EXOC6B: variants seen among roughly 807,000 people sequenced by gnomAD.
The protein encoded by EXOC6B is exocyst complex component 6B.
EXOC6B carries 54 observed loss-of-function variants against 113.5 expected under a neutral mutation model. The observed-to-expected ratio is 0.48, with a 90% confidence interval of 0.38 to 0.60. EXOC6B has a LOEUF of 0.60. Ranked by LOEUF, EXOC6B falls within the 20% of genes least tolerant of loss-of-function variation. EXOC6B has a pLI of 0.00. For missense variants in EXOC6B, 797 were observed against 977.5 expected (o/e 0.82, Z 2.46); for synonymous variants, 357 against 339.0 (o/e 1.05, Z -0.58).
chr2:72,257,984 G>A (rs1227820550), intron 20 of EXOC6B, among the ~76,000 whole-genome samples: 1 of 152,114 alleles, frequency 6.6e-6, no homozygotes, highest in East Asian at 1.9e-4. Context: ...GCATTCTCTG[G>A]GAACTTCCAT....
chr2:72,356,120 T>C (rs916947551), intron 19 of EXOC6B, among the ~76,000 whole-genome samples: 3 of 152,218 alleles, frequency 2.0e-5, no homozygotes, highest in African/African-American at 7.2e-5. Flanking sequence ...TGATTAAACA[T>C]TTCCAAGATT....
chr2:72,513,357 T>C (rs1422605357), intron 10 of EXOC6B, 105 bp from the exon 11 acceptor site: 5 of 1,420,258 alleles, frequency 3.5e-6, no homozygotes, highest in East Asian at 2.3e-5. Flanking sequence ...GCAAAGTTAG[T>C]GGTCATTTTT....
At chr2:72,551,011 A>C (rs10184463) in intron 8 of EXOC6B, among the ~76,000 whole-genome samples, 6,372 of 150,620 alleles carry the variant, frequency 0.042, 468 homozygotes, top group African/African-American at 0.15. Flanking sequence ...TTATTAAATG[A>C]CAATTATGCA....
intron 19 of EXOC6B, among the ~76,000 whole-genome samples, chr2:72,376,098 C>T (rs181755343): frequency 3.3e-5 from 5 of 151,904 alleles, no homozygotes; most frequent in Admixed American, 6.6e-5. Context: ...ATGAAGTAGT[C>T]TCAAGGTTCT....
intron 19 of EXOC6B, among the ~76,000 whole-genome samples, chr2:72,369,398 G>C (rs1690859003): frequency 1.3e-5 from 2 of 152,142 alleles, no homozygotes; most frequent in Admixed American, 6.5e-5. Context: ...CGTGCTCATG[G>C]GTAGGAAGAA....
At chr2:72,486,703 T>C (rs1573233939) in intron 16 of EXOC6B, among the ~76,000 whole-genome samples, 1 of 152,170 alleles carries the variant, frequency 6.6e-6, no homozygotes, top group Non-Finnish European at 1.5e-5. Context: ...AACTTGACAC[T>C]ATCTAATGCC....
chr2:72,321,837 A>G (rs1687864018), intron 20 of EXOC6B, among the ~76,000 whole-genome samples: 1 of 152,152 alleles, frequency 6.6e-6, no homozygotes, highest in Non-Finnish European at 1.5e-5. Context: ...TTGTAAAAAA[A>G]TTTATAAAGC....
At chr2:72,654,249 C>T (rs1573563782) in intron 6 of EXOC6B, among the ~76,000 whole-genome samples, 1 of 152,146 alleles carries the variant, frequency 6.6e-6, no homozygotes, top group African/African-American at 2.4e-5. Flanking sequence ...GGATTACAGG[C>T]GTGAGCCAAT....
chr2:72,494,894 T>C (rs1021738940), intron 15 of EXOC6B, among the ~76,000 whole-genome samples: 5 of 152,218 alleles, frequency 3.3e-5, no homozygotes, highest in Admixed American at 1.3e-4. Flanking sequence ...CAAAGGAGCC[T>C]ACACTCTAGC....
chr2:72,347,040 A>G (rs1019756861), intron 19 of EXOC6B, among the ~76,000 whole-genome samples: 1 of 152,176 alleles, frequency 6.6e-6, no homozygotes, highest in African/African-American at 2.4e-5. Flanking sequence ...ACCCTAGAAT[A>G]TCAAAAACAA....
chr2:72,287,991 T>C (rs1685549877), intron 20 of EXOC6B, among the ~76,000 whole-genome samples: 2 of 152,160 alleles, frequency 1.3e-5, no homozygotes, highest in African/African-American at 4.8e-5. Context: ...GGCTATTTTA[T>C]GCAAGGAAAT....
intron 20 of EXOC6B, among the ~76,000 whole-genome samples, chr2:72,229,891 T>C (rs1681496069): frequency 6.6e-6 from 1 of 152,192 alleles, no homozygotes; most frequent in African/African-American, 2.4e-5. Context: ...TGGATATAAT[T>C]ATATCACAAC....
Position 72,589,042 on chromosome 2 carries a change from C to T in EXOC6B, c.670-13374G>A, listed in dbSNP as rs867443590. On this transcript the variant is annotated intron_variant, in intron 6 of 21. Transcript: ENST00000272427. Reference sequence around the variant, plus strand: ...ACTATGAAGAAACAAAAGGCAGTGACGCCAAGAAGAAAAAAACACCAGAAA... The same window carrying T: ...ACTATGAAGAAACAAAAGGCAGTGATGCCAAGAAGAAAAAAACACCAGAAA... 4.9e-4 allele frequency among the ~76,000 whole-genome samples: 74 copies of T among 151,858 alleles called. No individual in the cohort carries two copies. The Middle Eastern group carries it at 0.017, about 35-fold the overall frequency.
chr2:72,515,697 A>G, intron 8 of EXOC6B: 1 of 988,392 alleles, frequency 1.0e-6, no homozygotes, highest in Non-Finnish European at 1.2e-6. Context: ...TCTGGGCTTA[A>G]AATGAGAAGT....
chr2:72,638,774 T>G (rs1157009671), intron 6 of EXOC6B, among the ~76,000 whole-genome samples: 1 of 152,164 alleles, frequency 6.6e-6, no homozygotes, highest in Non-Finnish European at 1.5e-5. Flanking sequence ...CAAGAGTGTC[T>G]GTAGTGGAGC....
intron 1 of EXOC6B, among the ~76,000 whole-genome samples, chr2:72,782,880 G>A (rs1463424707): frequency 6.6e-6 from 1 of 152,160 alleles, no homozygotes; most frequent in Non-Finnish European, 1.5e-5. Flanking sequence ...CAGCCGAACA[G>A]TATTCCATTG....
At chr2:72,706,705 C>A (rs10496186) in intron 6 of EXOC6B, among the ~76,000 whole-genome samples, 139,966 of 152,248 alleles carry the variant, frequency 0.92, 64,437 homozygotes, top group East Asian at 0.99. Flanking sequence ...TAGCCTAGGA[C>A]GACATTCAGA....
At chr2:72,546,256 C>CTGGCCAGCA (rs1383797988) in intron 8 of EXOC6B, among the ~76,000 whole-genome samples, 1 of 152,164 alleles carries the variant, frequency 6.6e-6, no homozygotes, top group Non-Finnish European at 1.5e-5. Flanking sequence ...GGAGACCAGC[C>CTGGCCAGCA]TGGCCAGCAT....
chr2:72,188,142 G>C (rs1678569030), intron 20 of EXOC6B, among the ~76,000 whole-genome samples: 1 of 152,172 alleles, frequency 6.6e-6, no homozygotes, highest in Non-Finnish European at 1.5e-5. Context: ...GTGCCCAGGA[G>C]GGTAGGGCTC....
Sources: gnomAD v4.1 joint callset for allele counts (sites outside exome capture counted in the v4.1 genomes callset) on GRCh38, gnomAD v4.1.1 for gene constraint, MANE v1.5 for transcripts, NCBI Gene and HGNC (gene_info 2026-07-23, HGNC 2026-07-21) for gene names.